Variants in BRF2 observed in about 807,000 individuals in gnomAD.
The protein encoded by BRF2 is BRF2 general transcription factor IIIB subunit.
Under a neutral mutation model 26.6 loss-of-function variants are expected in BRF2, and 17 were observed. The observed-to-expected ratio is 0.64, with a 90% CI of 0.44 to 0.96. The LOEUF is 0.96. Ranked by LOEUF, BRF2 falls within the 40% of genes least tolerant of loss-of-function variation. The pLI is 0.00. For synonymous variants in BRF2, 219 were observed against 226.6 expected (o/e 0.97, Z 0.30); for missense variants, 515 against 537.0 (o/e 0.96, Z 0.40).
chr8:37,849,602 C>T (rs901874249), intron 1 of BRF2, 28 bp downstream of exon 1: 6 of 1,599,558 alleles, frequency 3.8e-6, no homozygotes, highest in Non-Finnish European at 5.1e-6. Context: ...CCTCCACCGC[C>T]CCAGGCTGTC....
chr8:37,845,907 A>T, intron 3 of BRF2: 1 of 575,360 alleles, frequency 1.7e-6, no homozygotes, highest in Admixed American at 3.4e-5. Context: ...GCATTCAGCC[A>T]CAAAGCCCAT....
chr8:37,845,860 G>A (rs752233915), intron 3 of BRF2: 5 of 587,952 alleles, frequency 8.5e-6, no homozygotes, highest in African/African-American at 3.8e-5. Context: ...TATACTTTCA[G>A]CTTCCTCTGC....
intron 3 of BRF2, 26 bp from the exon 4 acceptor site, chr8:37,845,239 A>C: frequency 6.3e-7 from 1 of 1,581,332 alleles, no homozygotes; most frequent in Non-Finnish European, 8.7e-7. Context: ...TGAGGGTTGG[A>C]TCTTAATGAT....
At chr8:37,845,346 T>A (rs561959751) in intron 3 of BRF2, 133 bp from the exon 4 acceptor site, 2 of 728,536 alleles carry the variant, frequency 2.7e-6, no homozygotes, top group African/African-American at 3.5e-5. Context: ...GGCAGCAAGT[T>A]AATAAAGGTA....
At chr8:37,845,907 A>G in intron 3 of BRF2, 1 of 575,362 alleles carries the variant, frequency 1.7e-6, no homozygotes, top group Non-Finnish European at 3.1e-6. Flanking sequence ...GCATTCAGCC[A>G]CAAAGCCCAT....
At position 37,844,073 on chromosome 8, in the gene BRF2, A is replaced by C. The variant is rs1184834241; in HGVS notation, c.*417T>G. 2 of 192,542 alleles carry C rather than the reference A, an allele frequency of 1.0e-5. No homozygotes were observed. The highest frequency in any genetic ancestry group is 4.6e-5 in the African/African-American group (2 of 43,508). The allele number at this position is 192,542 out of a possible 1,614,324, so 11.9% of individuals were successfully genotyped here. A position where few individuals can be genotyped will look rare whatever the true frequency, so the allele number is the denominator to read the frequency against. On this transcript the variant is annotated 3_prime_UTR_variant, in exon 4 of 4. Coordinates refer to ENST00000220659, the MANE Select transcript of BRF2 (RefSeq NM_018310.4). ...TGCCTGTGAATGCACGTAGGGCCAGAATTCCCCAGTTCCCGCTCCTCTGAG... is the reference window on the plus strand; with the variant it reads ...TGCCTGTGAATGCACGTAGGGCCAGCATTCCCCAGTTCCCGCTCCTCTGAG...
chr8:37,845,738 G>C, intron 3 of BRF2: 1 of 691,608 alleles, frequency 1.4e-6, no homozygotes, highest in Non-Finnish European at 2.6e-6. Flanking sequence ...TGAGTTCCAG[G>C]CTGCAGTGAG....
rs375366669 is a variant in BRF2 at position 37,847,056 on chromosome 8, G to A, written c.334C>T (p.Gln112Ter). The change falls in exon 3 of 4, where the codon CAA becomes TAA. Residue 112 changes from glutamine (Q) to a stop codon, truncating the protein, a stop_gained. Transcript: ENST00000220659. LOFTEE classifies it high-confidence loss of function. ...CACCCAACCAACACCTCCTTCTTTTGCAGCCTGGCCGCTCGGATGCCAGAG... is the reference window on the plus strand; with the variant it reads ...CACCCAACCAACACCTCCTTCTTTTACAGCCTGGCCGCTCGGATGCCAGAG... ...RHSGIRAARL[Q>*]KKEVLVGCCV... 2.8e-5 allele frequency: 45 copies of A among 1,614,102 alleles called. No individual in the cohort carries two copies. The highest frequency in any genetic ancestry group is 3.3e-5 in the Non-Finnish European group (39 of 1,180,050).
chr8:37,845,336 G>A (rs1805936441), intron 3 of BRF2, 123 bp from the exon 4 acceptor site: 2 of 763,996 alleles, frequency 2.6e-6, no homozygotes, highest in Non-Finnish European at 4.4e-6. Context: ...AAGCTCACTG[G>A]GCAGCAAGTT....
chr8:37,849,046 C>T (rs751765883), intron 1 of BRF2, among the ~76,000 whole-genome samples: 18 of 152,182 alleles, frequency 1.2e-4, no homozygotes, highest in African/African-American at 1.9e-4. Context: ...CCTCAGATTC[C>T]TGGGTAGCTG....
At position 37,845,108 on chromosome 8, in the gene BRF2, C is replaced by T. The variant is rs147349428; in HGVS notation, c.642G>A (p.Thr214=). The T allele has an allele frequency of 6.8e-6, 11 of 1,613,766 alleles. No individual in the cohort carries two copies. The highest frequency in any genetic ancestry group is 4.0e-5 in the African/African-American group (3 of 74,938). The change falls in exon 4 of 4, where the codon ACG becomes ACA. Residue 214 remains threonine, a synonymous_variant. Coordinates refer to ENST00000220659, the MANE Select transcript of BRF2 (RefSeq NM_018310.4). ...AGGGATGCCTCCCGGTCACCAGCCA[C>T]GTCTCATTTGCCAGCTCCACCAACT... The part of the protein sequence containing the change: ...TMQLVELANE[T]WLVTGRHPLP...
chr8:37,848,106 C>T (rs1805997102), intron 2 of BRF2, among the ~76,000 whole-genome samples: 1 of 148,446 alleles, frequency 6.7e-6, no homozygotes, highest in East Asian at 2.0e-4. Context: ...CCCACCATCA[C>T]GCCCGGCTAA....
In BRF2 at chr8:37,849,859, A is replaced by G. The variant is rs1358178761; in HGVS notation, c.-76T>C. The G allele has an allele frequency of 1.4e-6, 2 of 1,419,554 alleles. No homozygotes were observed. The highest frequency in any genetic ancestry group is 2.6e-5 in the South Asian group (2 of 76,928). The allele number at this position is 1,419,554 out of a possible 1,614,324, so 87.9% of individuals were successfully genotyped here. A position where few individuals can be genotyped will look rare whatever the true frequency, so the allele number is the denominator to read the frequency against. On this transcript the variant is annotated 5_prime_UTR_variant, in exon 1 of 4. Coordinates refer to ENST00000220659, the MANE Select transcript of BRF2 (RefSeq NM_018310.4). Reference sequence around the variant, plus strand: ...CAACAGCAACCGTGAGGCAGCAAGAAGTAGGAGGGGACACTTCAAAGGGTT... The same window carrying G: ...CAACAGCAACCGTGAGGCAGCAAGAGGTAGGAGGGGACACTTCAAAGGGTT...
intron 3 of BRF2, 132 bp downstream of exon 3, chr8:37,846,722 G>C: frequency 1.4e-6 from 1 of 696,504 alleles, no homozygotes; most frequent in Non-Finnish European, 2.5e-6. Context: ...AGCTGAGATC[G>C]TGCCACTGCA....
At position 37,846,966 on chromosome 8, in the gene BRF2, A is replaced by G; in HGVS notation, c.424T>C (p.Leu142=). The G allele has an allele frequency of 6.2e-7, 1 of 1,614,046 alleles. No homozygotes were observed. The highest frequency in any genetic ancestry group is 8.5e-7 in the Non-Finnish European group (1 of 1,179,896). Residue 142 remains leucine (L), a synonymous_variant, in exon 3 of 4, where the codon TTG becomes CTG. Coordinates refer to ENST00000220659, the MANE Select transcript of BRF2 (RefSeq NM_018310.4). ...GAAAACACATCCAAATCTGCATACAACAGCGTGCAGATGGCCCCCATTGTT... is the reference window on the plus strand; with the variant it reads ...GAAAACACATCCAAATCTGCATACAGCAGCGTGCAGATGGCCCCCATTGTT... ...PLTMGAICTL[L]YADLDVFSST...
Position 37,844,701 on chromosome 8 carries a change from C to T in BRF2, c.1049G>A (p.Arg350Gln), listed in dbSNP as rs780181605. Residue 350 changes from arginine (R) to glutamine (Q), a missense_variant, in exon 4 of 4, where the codon CGG (arginine) becomes CAG (glutamine). Coordinates refer to ENST00000220659, the MANE Select transcript of BRF2 (RefSeq NM_018310.4). ...CAAGAGAAGGGCAGGACTGGCCGGC[C>T]GCTTCCCCTGGGGTAAACCTAAGGA... ...NNSLGLPQGKRPASPALLLPP... is the reference protein window; with the variant it reads ...NNSLGLPQGKQPASPALLLPP... The T allele has an allele frequency of 2.6e-5, 42 of 1,613,966 alleles. No individual in the cohort carries two copies. Among genetic ancestry groups the T allele is most frequent in the Non-Finnish European group, 3.0e-5 (35 of 1,180,044 alleles).
At chr8:37,846,683 C>T (rs923682550) in intron 3 of BRF2, among the ~76,000 whole-genome samples, 171 bp downstream of exon 3, 1 of 152,118 alleles carries the variant, frequency 6.6e-6, no homozygotes, top group African/African-American at 2.4e-5. Context: ...AGGAGAATAG[C>T]TTGAACCCCG....
rs769649889 is a variant in BRF2 at position 37,846,968 on chromosome 8, A to G, written c.422T>C (p.Leu141Pro). 9 of 1,614,102 alleles carry G rather than the reference A, an allele frequency of 5.6e-6. No homozygotes were observed. The highest frequency in any genetic ancestry group is 7.6e-6 in the Non-Finnish European group (9 of 1,179,920). Residue 141 changes from leucine to proline, a missense_variant, in exon 3 of 4, where the codon CTG becomes CCG. Leu to Pro is a moderately conservative substitution (Grantham distance 98). Coordinates refer to ENST00000220659, the MANE Select transcript of BRF2 (RefSeq NM_018310.4). ...AAACACATCCAAATCTGCATACAAC[A>G]GCGTGCAGATGGCCCCCATTGTTAG... ...WPLTMGAICTLLYADLDVFSS... is the reference protein window; with the variant it reads ...WPLTMGAICTPLYADLDVFSS...
chr8:37,846,056 T>C (rs1320510306), intron 3 of BRF2, among the ~76,000 whole-genome samples: 1 of 152,102 alleles, frequency 6.6e-6, no homozygotes, highest in East Asian at 1.9e-4. Context: ...TTGAAAATTA[T>C]AGCATTCTTT....
Sources: gnomAD v4.1 joint callset for allele counts (sites outside exome capture counted in the v4.1 genomes callset) on GRCh38, gnomAD v4.1.1 for gene constraint, MANE v1.5 for transcripts, NCBI Gene and HGNC (gene_info 2026-07-23, HGNC 2026-07-21) for gene names.